The following CXADR variants were observed in gnomAD, a reference collection of about 807,000 sequenced individuals.
The protein encoded by CXADR is CXADR cell adhesion molecule.
In CXADR, 20 loss-of-function variants were observed where a neutral mutation model predicts 40.3. The observed-to-expected ratio is 0.50, with a 90% CI of 0.35 to 0.72. The LOEUF is 0.72. CXADR is among the 30% of genes least tolerant of loss of function. The pLI is 0.01. For missense variants in CXADR, 332 were observed against 449.1 expected (o/e 0.74, Z 2.36); for synonymous variants, 150 against 161.3 (o/e 0.93, Z 0.53).
intron 1 of CXADR, among the ~76,000 whole-genome samples, chr21:17,519,457 A>G (rs978580626): frequency 9.2e-5 from 14 of 152,242 alleles, no homozygotes; most frequent in Non-Finnish European, 1.8e-4. Flanking sequence ...TTTTTAATCT[A>G]AAGAAGCTGA....
chr21:17,571,004 C>T (rs2123351761), downstream of CXADR, among the ~76,000 whole-genome samples: 1 of 152,298 alleles, frequency 6.6e-6, no homozygotes, highest in South Asian at 2.1e-4. Flanking sequence ...ATCAGTAGCA[C>T]CCTGGTCCCC....
chr21:17,556,835 T>C (rs2061042155), intron 3 of CXADR, among the ~76,000 whole-genome samples: 1 of 152,198 alleles, frequency 6.6e-6, no homozygotes, highest in African/African-American at 2.4e-5. Flanking sequence ...AAGGAGTTAC[T>C]AAGAAAGAGT....
intron 7 of CXADR, among the ~76,000 whole-genome samples, chr21:17,575,151 G>C (rs958619115): frequency 7.0e-6 from 1 of 142,482 alleles, no homozygotes; most frequent in Non-Finnish European, 1.6e-5. Flanking sequence ...TGCTGCTCCT[G>C]TTGGGAAGGC....
chr21:17,593,949 T>C, downstream of CXADR: 1 of 1,021,012 alleles, frequency 9.8e-7, no homozygotes, highest in Non-Finnish European at 1.4e-6. Context: ...AGAAAGATTA[T>C]TCTCAATAAC....
downstream of CXADR, among the ~76,000 whole-genome samples, chr21:17,597,465 T>C (rs75935663): frequency 6.3e-3 from 963 of 151,952 alleles, 56 homozygotes; most frequent in East Asian, 0.13. Context: ...TACTTATTTA[T>C]ATAGGGAATG....
chr21:17,611,500 T>C, the CXADR span, among the ~76,000 whole-genome samples: 4 of 152,162 alleles, frequency 2.6e-5, no homozygotes, highest in Non-Finnish European at 5.9e-5. Flanking sequence ...GAAGAAATGA[T>C]AGCTCGAACA....
At chr21:17,623,883 G>A in the CXADR span, among the ~76,000 whole-genome samples, 1 of 152,176 alleles carries the variant, frequency 6.6e-6, no homozygotes, top group East Asian at 1.9e-4. Context: ...CACTCAAGTA[G>A]CAGTTTTAAA....
intron 1 of CXADR, among the ~76,000 whole-genome samples, chr21:17,528,068 C>CTGTTT (rs2060620156): frequency 1.3e-5 from 1 of 78,352 alleles, no homozygotes; most frequent in African/African-American, 5.1e-5. Flanking sequence ...TTAGTTCTTT[C>CTGTTT]TTTTTTTTTT....
downstream of CXADR, among the ~76,000 whole-genome samples, chr21:17,572,273 AAT>A (rs2061284017): frequency 6.6e-3 from 1 of 152 alleles, no homozygotes; most frequent in African/African-American, 0.019. Context: ...TGGGAGGCTG[AAT>A]GGGATGATTG....
chr21:17,629,121 A>G, the CXADR span, among the ~76,000 whole-genome samples: 1 of 152,038 alleles, frequency 6.6e-6, no homozygotes, highest in Non-Finnish European at 1.5e-5. Flanking sequence ...AAGGAGGCCA[A>G]TGAATCACAG....
intron 3 of CXADR, among the ~76,000 whole-genome samples, chr21:17,553,318 G>A (rs999062179): frequency 1.3e-5 from 2 of 152,140 alleles, no homozygotes; most frequent in African/African-American, 4.8e-5. Flanking sequence ...ACAAGAGTGG[G>A]GATTTTTGTG....
At chr21:17,564,985 T>A (rs1315769900) in intron 6 of CXADR, among the ~76,000 whole-genome samples, 1 of 152,232 alleles carries the variant, frequency 6.6e-6, no homozygotes, top group Non-Finnish European at 1.5e-5. Context: ...TCTGCCCACC[T>A]CAGCTTCCCA....
chr21:17,629,347 T>C, the CXADR span, among the ~76,000 whole-genome samples: 1 of 138,922 alleles, frequency 7.2e-6, no homozygotes, highest in Non-Finnish European at 1.5e-5. Context: ...ACCACTGTAC[T>C]CCAGCCTGGG....
chr21:17,591,768 C>T (rs906016921), intron 7 of CXADR, among the ~76,000 whole-genome samples: 4 of 151,850 alleles, frequency 2.6e-5, no homozygotes, highest in East Asian at 1.9e-4. Flanking sequence ...ATTATGTAGT[C>T]ATGTTTTAAG....
intron 1 of CXADR, among the ~76,000 whole-genome samples, chr21:17,542,680 C>G (rs1457804546): frequency 1.3e-5 from 2 of 152,212 alleles, no homozygotes; most frequent in African/African-American, 4.8e-5. Context: ...ATACTTGCAG[C>G]TTAATAATGT....
chr21:17,586,415 A>T (rs1442933660), intron 7 of CXADR, among the ~76,000 whole-genome samples: 4 of 146,988 alleles, frequency 2.7e-5, no homozygotes, highest in Non-Finnish European at 4.5e-5. Flanking sequence ...ATATATATAT[A>T]ATATATATTA....
rs71333559 is a variant in CXADR, at chr21:17,568,557, C to CTT, written c.*2881_*2882dup. On this transcript the variant is annotated 3_prime_UTR_variant, in exon 7 of 7. Coordinates refer to ENST00000284878, the MANE Select transcript of CXADR (RefSeq NM_001338.5). Reference sequence around the variant, plus strand: ...TTACTGTAGAATATATAGTTCTGTACTTTTTTTTTTTTTTTTTAAGAGATA... The same window carrying CTT: ...TTACTGTAGAATATATAGTTCTGTACTTTTTTTTTTTTTTTTTTTAAGAGATA... The CTT allele has an allele frequency of 0.021, 18,548 of 873,978 alleles. 386 individuals carry two copies. The highest frequency in any genetic ancestry group is 0.13 in the African/African-American group (6,414 of 49,986). The allele number at this position is 873,978 out of a possible 1,614,324, so 54.1% of individuals were successfully genotyped here. A position where few individuals can be genotyped will look rare whatever the true frequency, so the allele number is the denominator to read the frequency against.
At chr21:17,603,542 GT>G in the CXADR span, among the ~76,000 whole-genome samples, 1 of 152,142 alleles carries the variant, frequency 6.6e-6, no homozygotes, top group Admixed American at 6.5e-5. Context: ...CTGGAATCAG[GT>G]CAGTCTGCGA....
Position 17,552,436 on chromosome 21 carries a change from A to G in CXADR, c.415+483A>G, listed in dbSNP as rs9983442. 8.4e-3 allele frequency among the ~76,000 whole-genome samples: 1,283 copies of G among 152,266 alleles called. 21 individuals carry two copies. Among genetic ancestry groups the G allele is most frequent in the African/African-American group, 0.03 (1,227 of 41,558 alleles). ...TGTTTTTCATCATTAAAGTGAGGAG[A>G]TGAGACATTCACTGATATCTTATAG... On this transcript the variant is annotated intron_variant, in intron 3 of 6. Coordinates refer to ENST00000284878, the MANE Select transcript of CXADR (RefSeq NM_001338.5).
Sources: gnomAD v4.1 joint callset for allele counts (sites outside exome capture counted in the v4.1 genomes callset) on GRCh38, gnomAD v4.1.1 for gene constraint, MANE v1.5 for transcripts, NCBI Gene and HGNC (gene_info 2026-07-23, HGNC 2026-07-21) for gene names.